Variants in NAALADL2 observed in about 807,000 individuals in gnomAD.
NAALADL2 encodes inactive N-acetylated-alpha-linked acidic dipeptidase-like protein 2.
In NAALADL2, 76 loss-of-function variants were observed where a neutral mutation model predicts 87.2. The ratio of observed to expected loss-of-function variants is 0.87; its 90% confidence interval spans 0.72 to 1.05. The LOEUF (loss-of-function observed/expected upper bound fraction) is 1.05, where lower values mean the gene tolerates loss of function less well. Among genes scored for constraint, NAALADL2 ranks in the 50% least tolerant of loss-of-function variants. NAALADL2 has a pLI of 0.00. For synonymous variants in NAALADL2, 354 were observed against 331.0 expected (o/e 1.07, Z -0.75); for missense variants, 1,089 against 945.8 (o/e 1.15, Z -1.99).
At chr3:174,846,597 T>C (rs895158510) in intron 3 of NAALADL2, among the ~76,000 whole-genome samples, 1 of 152,222 alleles carries the variant, frequency 6.6e-6, no homozygotes, top group Admixed American at 6.5e-5. Flanking sequence ...CCTCAATGTT[T>C]TTTTGACTTT....
chr3:175,796,096 A>AGAGTGG (rs1286763699), intron 13 of NAALADL2, among the ~76,000 whole-genome samples: 2 of 34,548 alleles, frequency 5.8e-5, no homozygotes, highest in Non-Finnish European at 1.1e-4. Flanking sequence ...AGAGTGGGGG[A>AGAGTGG]GAGTGGGGGA....
At chr3:174,856,605 T>C (rs1725887052), upstream of NAALADL2, among the ~76,000 whole-genome samples, 1 of 152,138 alleles carries the variant, frequency 6.6e-6, no homozygotes, top group African/African-American at 2.4e-5. Context: ...TCAACTCTTA[T>C]GTTACTTAAT....
intron 12 of NAALADL2, among the ~76,000 whole-genome samples, chr3:175,754,873 G>A (rs576217693): frequency 6.6e-6 from 1 of 152,150 alleles, no homozygotes; most frequent in South Asian, 2.1e-4. Context: ...TTCAGCAATC[G>A]GTACAGTACC....
chr3:175,421,147 G>T (rs1175117488), intron 5 of NAALADL2, among the ~76,000 whole-genome samples: 1 of 151,852 alleles, frequency 6.6e-6, no homozygotes, highest in African/African-American at 2.4e-5. Context: ...TATATATATT[G>T]TTACTGCTTG....
intron 5 of NAALADL2, among the ~76,000 whole-genome samples, chr3:175,330,565 C>T (rs1019305061): frequency 6.6e-6 from 1 of 152,028 alleles, no homozygotes; most frequent in African/African-American, 2.4e-5. Context: ...CAACATGCTC[C>T]TAAATGACCA....
At chr3:174,517,853 A>G (rs953777164) in intron 1 of NAALADL2, among the ~76,000 whole-genome samples, 1 of 152,114 alleles carries the variant, frequency 6.6e-6, no homozygotes, top group African/African-American at 2.4e-5. Flanking sequence ...ACAGAATGTC[A>G]TTTTAAAATG....
chr3:174,567,619 A>C (rs987306177), intron 2 of NAALADL2, among the ~76,000 whole-genome samples: 71 of 151,832 alleles, frequency 4.7e-4, no homozygotes, highest in African/African-American at 1.6e-3. Context: ...AATCTGTTAT[A>C]GTCAAATGAC....
chr3:175,731,146 G>C (rs78578985), intron 11 of NAALADL2, among the ~76,000 whole-genome samples: 2 of 152,212 alleles, frequency 1.3e-5, no homozygotes, highest in African/African-American at 4.8e-5. Flanking sequence ...CTTAAACCTC[G>C]TGTTATAGCA....
At chr3:175,602,646 A>G (rs202196588) in intron 10 of NAALADL2, among the ~76,000 whole-genome samples, 2 of 152,166 alleles carry the variant, frequency 1.3e-5, no homozygotes, top group African/African-American at 2.4e-5. Flanking sequence ...GCACCAGTAG[A>G]TATTTATTAT....
chr3:175,711,843 AT>A (rs1740570193), intron 11 of NAALADL2, among the ~76,000 whole-genome samples: 1 of 151,702 alleles, frequency 6.6e-6, no homozygotes, highest in African/African-American at 2.4e-5. Context: ...TTTTAAAAAA[AT>A]GAGATTAGTG....
intron 1 of NAALADL2, among the ~76,000 whole-genome samples, chr3:174,868,888 G>T (rs1579278034): frequency 6.6e-6 from 1 of 152,176 alleles, no homozygotes; most frequent in East Asian, 1.9e-4. Flanking sequence ...AGTTATTAAG[G>T]CATAAATGGT....
At chr3:175,373,901 T>TCA (rs1766793265) in intron 5 of NAALADL2, among the ~76,000 whole-genome samples, 1 of 152,196 alleles carries the variant, frequency 6.6e-6, no homozygotes, top group African/African-American at 2.4e-5. Context: ...ATTTCTCTGA[T>TCA]AACAAATGAT....
intron 6 of NAALADL2, among the ~76,000 whole-genome samples, chr3:175,450,698 A>AC (rs59632557): frequency 0.77 from 116,360 of 151,934 alleles, 44,884 homozygotes; most frequent in East Asian, 0.89. Flanking sequence ...GCTTGAGTCA[A>AC]CCAGAATCTA....
intron 2 of NAALADL2, among the ~76,000 whole-genome samples, chr3:174,691,241 A>G (rs1008348292): frequency 8.6e-5 from 13 of 152,014 alleles, no homozygotes; most frequent in African/African-American, 2.9e-4. Flanking sequence ...GCAAAACCCC[A>G]TTTCTACTAA....
At position 174,776,410 on chromosome 3, in the gene NAALADL2, A is replaced by G. The variant is rs141819375; in HGVS notation, c.-9+38664A>G. ...AGGTAATAAACTTTACAGACTCACA[A>G]TTCTGTAAACGCCACACCTCCACAG... is the stretch of plus-strand genomic sequence containing the variant. On this transcript the variant is annotated intron_variant, in intron 3 of 3. Transcript: ENST00000434257. Among the ~76,000 whole-genome samples the G allele has an allele frequency of 2.0e-5, 3 of 152,186 alleles. No individual in the cohort carries two copies. In the East Asian group the frequency reaches 5.8e-4, roughly 29 times the overall value.
chr3:174,566,858 G>A (rs1318922959), intron 2 of NAALADL2, among the ~76,000 whole-genome samples: 2 of 150,964 alleles, frequency 1.3e-5, no homozygotes, highest in African/African-American at 2.4e-5. Context: ...TAGCATTTGA[G>A]TGGTCCATGA....
chr3:174,717,703 G>A (rs2108939372), intron 2 of NAALADL2, among the ~76,000 whole-genome samples: 1 of 152,104 alleles, frequency 6.6e-6, no homozygotes, highest in Admixed American at 6.5e-5. Context: ...ATTTCCTTCT[G>A]GAATATTAAA....
intron 2 of NAALADL2, among the ~76,000 whole-genome samples, chr3:175,178,209 G>A (rs1191964265): frequency 6.6e-6 from 1 of 151,812 alleles, no homozygotes; most frequent in Non-Finnish European, 1.5e-5. Flanking sequence ...TTTAATACAA[G>A]GTAAGTGCTT....
intron 13 of NAALADL2, among the ~76,000 whole-genome samples, chr3:175,760,402 G>A (rs892337673): frequency 3.9e-5 from 6 of 152,138 alleles, no homozygotes; most frequent in African/African-American, 1.2e-4. Context: ...TAAGGGGAGA[G>A]GGAAAGGGCA....
Sources: allele counts gnomAD v4.1 joint callset (sites outside exome capture counted in the v4.1 genomes callset), GRCh38; gene constraint gnomAD v4.1.1; transcripts MANE v1.5; gene names NCBI Gene and HGNC (gene_info 2026-07-23, HGNC 2026-07-21).